The following MYO18B variants were observed in gnomAD, a reference collection of about 807,000 sequenced individuals.
MYO18B encodes the protein myosin XVIIIB, also known as unconventional myosin-XVIIIb.
A neutral mutation model predicts 273.0 loss-of-function variants in MYO18B; 204 were observed. The ratio of observed to expected loss-of-function variants is 0.75; its 90% confidence interval spans 0.67 to 0.84. The LOEUF (loss-of-function observed/expected upper bound fraction) is 0.84, where lower values mean the gene tolerates loss of function less well. Among genes scored for constraint, MYO18B ranks in the 40% least tolerant of loss-of-function variants. The pLI, the probability that MYO18B is intolerant of heterozygous loss-of-function variation, is 0.00. For synonymous variants in MYO18B, 1,330 were observed against 1,305.7 expected, an observed-to-expected ratio of 1.02 and a Z score of -0.40; for missense variants, 3,212 against 3,287.6, an observed-to-expected ratio of 0.98 and a Z score of 0.56.
intron 39 of MYO18B, among the ~76,000 whole-genome samples, chr22:25,974,879 T>A (rs1638499787): frequency 6.6e-6 from 1 of 152,150 alleles, no homozygotes. Context: ...GTGTCTGGCC[T>A]CCAGAGAGGG....
Position 25,947,718 on chromosome 22 carries a change from G to A in MYO18B, c.5638G>A (p.Glu1880Lys). Residue 1880 changes from glutamate (E) to lysine (K), a missense_variant, in exon 36 of 44, where the codon GAG (glutamate) becomes AAG (lysine). Coordinates refer to ENST00000335473, the MANE Select transcript of MYO18B (RefSeq NM_032608.7). ...ACTGATCTGCCTCCCCCAGGTGGATGAGCAGCTGTACAGGCTGCAGTTTGA... is the reference window on the plus strand; with the variant it reads ...ACTGATCTGCCTCCCCCAGGTGGATAAGCAGCTGTACAGGCTGCAGTTTGA... ...NMTRNKSLVD[E>K]QLYRLQFEKA... 2 of 1,612,894 alleles carry A rather than the reference G, an allele frequency of 1.2e-6. No individual in the cohort carries two copies. Among genetic ancestry groups the A allele is most frequent in the Non-Finnish European group, 1.7e-6 (2 of 1,179,454 alleles).
Position 25,768,096 on chromosome 22 carries a change from G to C in MYO18B, c.199-19G>C. 6.4e-7 allele frequency: 1 copy of C among 1,570,520 alleles called. No individual in the cohort carries two copies. The highest frequency in any genetic ancestry group is 1.7e-4 in the Middle Eastern group (1 of 5,860). ...GTCAGCAAGCAGCTATGTAGGCATG[G>C]TTGTGTTCTTTCTCCCAGATCCCAG... On this transcript the variant is annotated intron_variant, in intron 3 of 43. Coordinates refer to ENST00000335473, the MANE Select transcript of MYO18B (RefSeq NM_032608.7).
Position 25,859,361 on chromosome 22 carries a change from C to A in MYO18B, c.3885+7782C>A, listed in dbSNP as rs370532484. On this transcript the variant is annotated intron_variant, in intron 21 of 43. Coordinates refer to ENST00000335473, the MANE Select transcript of MYO18B (RefSeq NM_032608.7). ...TCAGTCTTTGCACAGAAACATGTTTCTACTTTTTTTGGGTGCATTCTTGGA... is the reference window on the plus strand; with the variant it reads ...TCAGTCTTTGCACAGAAACATGTTTATACTTTTTTTGGGTGCATTCTTGGA... 3.9e-5 allele frequency among the ~76,000 whole-genome samples: 6 copies of A among 152,120 alleles called. No individual in the cohort carries two copies. The East Asian group carries it at 1.2e-3, about 29-fold the overall frequency.
At chr22:25,891,273 T>C in intron 26 of MYO18B, 31 bp from the exon 27 acceptor site, 1 of 1,468,372 alleles carries the variant, frequency 6.8e-7, no homozygotes, top group South Asian at 1.2e-5. Flanking sequence ...TCTGTCCAGC[T>C]CTAGTTTAGA....
At chr22:25,774,989 G>A (rs1177250385) in intron 7 of MYO18B, among the ~76,000 whole-genome samples, 1 of 152,262 alleles carries the variant, frequency 6.6e-6, no homozygotes, top group Non-Finnish European at 1.5e-5. Context: ...GTACACAGAT[G>A]CAAAGGCATG....
At chr22:25,848,123 C>T (rs1406513326) in intron 20 of MYO18B, among the ~76,000 whole-genome samples, 1 of 152,088 alleles carries the variant, frequency 6.6e-6, no homozygotes, top group East Asian at 1.9e-4. Flanking sequence ...TCCTTTTAGC[C>T]ATGAATTTCT....
intron 39 of MYO18B, among the ~76,000 whole-genome samples, chr22:25,958,656 G>C (rs2092882122): frequency 6.6e-6 from 1 of 152,168 alleles, no homozygotes; most frequent in African/African-American, 2.4e-5. Context: ...AAGTTACACA[G>C]TGTGCCCAAA....
At chr22:25,966,764 A>C (rs2092984014) in intron 39 of MYO18B, among the ~76,000 whole-genome samples, 1 of 152,180 alleles carries the variant, frequency 6.6e-6, no homozygotes, top group African/African-American at 2.4e-5. Context: ...TTCTGTACAA[A>C]AGAAACTTAG....
intron 21 of MYO18B, among the ~76,000 whole-genome samples, chr22:25,859,973 C>G (rs889428016): frequency 6.6e-6 from 1 of 152,148 alleles, no homozygotes; most frequent in African/African-American, 2.4e-5. Flanking sequence ...TTAGCTCCTC[C>G]GTGTAGACAT....
chr22:25,977,976 A>G (rs1055830365), intron 39 of MYO18B, among the ~76,000 whole-genome samples: 4 of 152,178 alleles, frequency 2.6e-5, no homozygotes, highest in Admixed American at 6.5e-5. Context: ...CCATGTTGGT[A>G]AGACCTGCTG....
chr22:25,922,696 CTCTT>C (rs2092365470), intron 34 of MYO18B, among the ~76,000 whole-genome samples: 1 of 152,166 alleles, frequency 6.6e-6, no homozygotes, highest in Non-Finnish European at 1.5e-5. Flanking sequence ...GTGCCCTTCT[CTCTT>C]CCTTCTGGAG....
At chr22:25,999,789 G>A (rs989854001) in intron 40 of MYO18B, among the ~76,000 whole-genome samples, 1 of 151,780 alleles carries the variant, frequency 6.6e-6, no homozygotes, top group Non-Finnish European at 1.5e-5. Context: ...CCGAGTAGCT[G>A]GGACTACAGG....
chr22:26,014,608 T>G (rs1029738454), intron 42 of MYO18B, among the ~76,000 whole-genome samples: 1 of 152,236 alleles, frequency 6.6e-6, no homozygotes, highest in East Asian at 1.9e-4. Flanking sequence ...ATCTGGAAGC[T>G]GAGTGCTGAG....
chr22:25,811,275 G>A (rs376046328), intron 12 of MYO18B, among the ~76,000 whole-genome samples: 1 of 151,038 alleles, frequency 6.6e-6, no homozygotes, highest in Non-Finnish European at 1.5e-5. Flanking sequence ...CTCCCACTTC[G>A]GTCTCCCAAA....
intron 39 of MYO18B, among the ~76,000 whole-genome samples, chr22:25,974,037 G>C (rs1394403341): frequency 6.6e-6 from 1 of 152,122 alleles, no homozygotes; most frequent in Non-Finnish European, 1.5e-5. Context: ...TCTCACATCT[G>C]TATTTCATCC....
intron 32 of MYO18B, among the ~76,000 whole-genome samples, chr22:25,910,511 C>G (rs2092135037): frequency 6.6e-6 from 1 of 152,072 alleles, no homozygotes; most frequent in African/African-American, 2.4e-5. Flanking sequence ...TTTATAACAC[C>G]AAAAAATCTC....
At position 25,961,948 on chromosome 22, in the gene MYO18B, G is replaced by A. The variant is rs140098840; in HGVS notation, c.6156+6584G>A. On this transcript the variant is annotated intron_variant, in intron 39 of 43. Transcript: ENST00000335473. ...TCTCTGTCTTGCTTCTGCTCTTGCC[G>A]TATGATCTCTGCACATATCAGCTCC... Among the ~76,000 whole-genome samples, 727 of 152,270 alleles carry A rather than the reference G, an allele frequency of 4.8e-3. 8 individuals are homozygous for A. Among genetic ancestry groups the A allele is most frequent in the South Asian group, 0.021 (101 of 4,810 alleles).
At chr22:25,774,834 G>A (rs1337294587) in intron 7 of MYO18B, among the ~76,000 whole-genome samples, 1 of 152,204 alleles carries the variant, frequency 6.6e-6, no homozygotes, top group Non-Finnish European at 1.5e-5. Flanking sequence ...GGGACATGGA[G>A]GTCTAGGTGA....
In MYO18B at chr22:25,761,026, A is replaced by G; in HGVS notation, c.-67A>G. 1 of 1,567,516 alleles carries G rather than the reference A, an allele frequency of 6.4e-7. No individual in the cohort carries two copies. Among genetic ancestry groups the G allele is most frequent in the East Asian group, 2.2e-5 (1 of 44,732 alleles). The stretch of plus-strand genomic sequence containing the variant: ...GTGCTGCGTGTGTCTGTAAAGCCTC[A>G]TTCCGTGCTGTCTGGCAGGAAGCTC... On this transcript the variant is annotated 5_prime_UTR_variant, in exon 2 of 44. Transcript: ENST00000335473.
Sources: allele counts gnomAD v4.1 joint callset (sites outside exome capture counted in the v4.1 genomes callset), GRCh38; gene constraint gnomAD v4.1.1; transcripts MANE v1.5; gene names NCBI Gene and HGNC (gene_info 2026-07-23, HGNC 2026-07-21).